The following ZNF566 variants were observed in gnomAD, a reference collection of about 807,000 sequenced individuals.
ZNF566 encodes zinc finger protein 566.
In ZNF566, 27 loss-of-function variants were observed where a neutral mutation model predicts 32.8. That is an observed-to-expected ratio of 0.82 (90% CI 0.61 to 1.14). ZNF566 has a LOEUF of 1.14. Ranked by LOEUF, ZNF566 falls within the 50% of genes most tolerant of loss-of-function variation. The probability of loss-of-function intolerance (pLI) is 0.00; values close to 1 mark genes in which losing one functional copy is unlikely to be tolerated. For missense variants in ZNF566, 402 were observed against 490.4 expected (o/e 0.82, Z 1.70); for synonymous variants, 154 against 159.5 (o/e 0.97, Z 0.26).
intron 1 of ZNF566, among the ~76,000 whole-genome samples, chr19:36,478,709 C>G (rs974383381): frequency 2.6e-5 from 4 of 151,888 alleles, no homozygotes; most frequent in African/African-American, 7.3e-5. Context: ...TTGGGAGAGA[C>G]AGTTACCATG....
intron 4 of ZNF566, among the ~76,000 whole-genome samples, chr19:36,451,160 C>T (rs901615914): frequency 6.6e-6 from 1 of 152,164 alleles, no homozygotes; most frequent in African/African-American, 2.4e-5. Context: ...TAAAACATTT[C>T]CATCACCACT....
intron 4 of ZNF566, among the ~76,000 whole-genome samples, chr19:36,471,521 T>G (rs2033765518): frequency 6.6e-6 from 1 of 152,122 alleles, no homozygotes. Context: ...GTACAGTAAC[T>G]TACTATGGTG....
chr19:36,478,779 C>A (rs1204175583), intron 1 of ZNF566, among the ~76,000 whole-genome samples: 2 of 152,180 alleles, frequency 1.3e-5, no homozygotes, highest in Non-Finnish European at 2.9e-5. Flanking sequence ...TCTAACTACT[C>A]ATTTCCCAGG....
At chr19:36,482,408 G>A (rs1216864368) in intron 1 of ZNF566, among the ~76,000 whole-genome samples, 1 of 151,908 alleles carries the variant, frequency 6.6e-6, no homozygotes, top group Non-Finnish European at 1.5e-5. Context: ...CCCTGCGAAT[G>A]TTTTCACATT....
chr19:36,472,167 ATC>A (rs1247258874), intron 4 of ZNF566, among the ~76,000 whole-genome samples: 1 of 151,958 alleles, frequency 6.6e-6, no homozygotes, highest in Non-Finnish European at 1.5e-5. Context: ...TTCATACCAA[ATC>A]TCTCTTTGCC....
At chr19:36,476,804 C>A (rs1354918294) in intron 1 of ZNF566, among the ~76,000 whole-genome samples, 188 bp from the exon 2 acceptor site, 1 of 152,104 alleles carries the variant, frequency 6.6e-6, no homozygotes. Context: ...TGGATTAGGG[C>A]AACTCAATAT....
At chr19:36,456,254 C>A (rs1175149630) in intron 4 of ZNF566, among the ~76,000 whole-genome samples, 1 of 150,214 alleles carries the variant, frequency 6.7e-6, no homozygotes. Flanking sequence ...AATGAAGACA[C>A]GCCAGGCATG....
chr19:36,465,326 CTGAG>C (rs2033584190), intron 4 of ZNF566, among the ~76,000 whole-genome samples: 1 of 152,170 alleles, frequency 6.6e-6, no homozygotes, highest in Non-Finnish European at 1.5e-5. Context: ...CCTTGCAAAG[CTGAG>C]TAAGTACGTA....
In ZNF566 at chr19:36,449,902, C is replaced by A. The variant is rs774309122; in HGVS notation, c.332G>T (p.Arg111Leu). ...QWEIMEKLTR[R>L]DFQCSSFRDD... is the part of the protein sequence containing the mutation. ...TCTGAAACTGGAGCACTGAAAATCA[C>A]GTCTTGTGAGTTTTTCCATTATTTC... Residue 111 changes from arginine to leucine, a missense_variant, in exon 5 of 5, where the codon CGT becomes CTT. Coordinates refer to ENST00000452939, the MANE Select transcript of ZNF566 (RefSeq NM_001145344.1). 6.2e-7 allele frequency: 1 copy of A among 1,614,040 alleles called. No individual in the cohort carries two copies. The highest frequency in any genetic ancestry group is 1.1e-5 in the South Asian group (1 of 91,078).
intron 4 of ZNF566, among the ~76,000 whole-genome samples, chr19:36,451,248 G>A (rs572846699): frequency 6.6e-6 from 1 of 152,312 alleles, no homozygotes; most frequent in South Asian, 2.1e-4. Context: ...TAAGGAACTA[G>A]AGGGTGACAA....
At chr19:36,474,168 C>T (rs1444541584) in intron 2 of ZNF566, among the ~76,000 whole-genome samples, 3 of 152,056 alleles carry the variant, frequency 2.0e-5, no homozygotes, top group African/African-American at 7.2e-5. Flanking sequence ...ACATAGGATT[C>T]AGGAAGTAGG....
At chr19:36,467,212 G>T (rs2033636513) in intron 4 of ZNF566, among the ~76,000 whole-genome samples, 1 of 150,402 alleles carries the variant, frequency 6.6e-6, no homozygotes, top group Non-Finnish European at 1.5e-5. Flanking sequence ...GAGACAGGCG[G>T]ATCACGAGGT....
At chr19:36,488,119 G>A (rs2034216966) in intron 1 of ZNF566, among the ~76,000 whole-genome samples, 1 of 152,072 alleles carries the variant, frequency 6.6e-6, no homozygotes, top group South Asian at 2.1e-4. Flanking sequence ...CTCCTGCTCT[G>A]TTGCCCAGGC....
chr19:36,470,506 C>T (rs1261650718), intron 4 of ZNF566, among the ~76,000 whole-genome samples: 10 of 152,200 alleles, frequency 6.6e-5, no homozygotes, highest in Admixed American at 6.6e-4. Flanking sequence ...TTTCAATGGT[C>T]TCTGAGCCAT....
At chr19:36,467,486 T>G (rs1471597600) in intron 4 of ZNF566, among the ~76,000 whole-genome samples, 1 of 143,102 alleles carries the variant, frequency 7.0e-6, no homozygotes, top group Non-Finnish European at 1.5e-5. Flanking sequence ...TGAAAATGTG[T>G]GCTAAAACTC....
At chr19:36,467,697 G>T (rs1367159050) in intron 4 of ZNF566, among the ~76,000 whole-genome samples, 1 of 145,516 alleles carries the variant, frequency 6.9e-6, no homozygotes, top group African/African-American at 2.6e-5. Context: ...AGGCTGAGGT[G>T]GGAGAATTGC....
At chr19:36,478,117 T>C (rs906797033) in intron 1 of ZNF566, among the ~76,000 whole-genome samples, 5 of 152,100 alleles carry the variant, frequency 3.3e-5, no homozygotes, top group Admixed American at 6.6e-5. Flanking sequence ...CACCATGTTA[T>C]CAATTATCTA....
intron 2 of ZNF566, among the ~76,000 whole-genome samples, chr19:36,473,768 A>T (rs940774318): frequency 6.6e-6 from 1 of 152,232 alleles, no homozygotes; most frequent in Non-Finnish European, 1.5e-5. Context: ...GCAATGCCTC[A>T]CACTATACCT....
intron 2 of ZNF566, among the ~76,000 whole-genome samples, chr19:36,475,359 G>A (rs1198550825): frequency 1.3e-5 from 2 of 152,084 alleles, no homozygotes; most frequent in Non-Finnish European, 2.9e-5. Context: ...ATTTTTCATG[G>A]ATGCTTAGTG....
Sources: gnomAD v4.1 joint callset for allele counts (sites outside exome capture counted in the v4.1 genomes callset) on GRCh38, gnomAD v4.1.1 for gene constraint, MANE v1.5 for transcripts, NCBI Gene and HGNC (gene_info 2026-07-23, HGNC 2026-07-21) for gene names.